The following DGKB variants were observed in gnomAD, a reference collection of about 807,000 sequenced individuals.
DGKB encodes diacylglycerol kinase beta.
Under a neutral mutation model 114.3 loss-of-function variants are expected in DGKB, and 67 were observed. The observed-to-expected ratio is 0.59, with a 90% CI of 0.48 to 0.72. The LOEUF (loss-of-function observed/expected upper bound fraction) is 0.72, where lower values mean the gene tolerates loss of function less well. Ranked by LOEUF, DGKB falls within the 30% of genes least tolerant of loss-of-function variation. The pLI is 0.00. For synonymous variants in DGKB, 398 were observed against 323.1 expected (o/e 1.23, Z -2.49); for missense variants, 907 against 975.2 (o/e 0.93, Z 0.93).
chr7:14,392,995 G>GTTTTGTTTTGTTTTTT lies in DGKB; in HGVS notation c.1836-47605_1836-47604insAAAAAACAAAACAAAA, dbSNP rs1554404749. 2.9e-3 allele frequency among the ~76,000 whole-genome samples: 177 copies of GTTTTGTTTTGTTTTTT among 60,554 alleles called. 6 individuals carry two copies. Among genetic ancestry groups the GTTTTGTTTTGTTTTTT allele is most frequent in the African/African-American group, 8.1e-3 (167 of 20,686 alleles). 39.7% of individuals were successfully genotyped at this position (60,554 alleles called of 152,430 possible). On this transcript the variant is annotated intron_variant, in intron 21 of 25. Coordinates refer to ENST00000402815, the MANE Select transcript of DGKB (RefSeq NM_001350709.2). ...CAAAACAGACCTGTTTTTTGTTTTTGTTTTTTTTTTTTTGAGACGGAGTCT... is the reference window on the plus strand; with the variant it reads ...CAAAACAGACCTGTTTTTTGTTTTTGTTTTGTTTTGTTTTTTTTTTTTTTTTTTTGAGACGGAGTCT...
At chr7:14,463,304 G>A (rs1326934029) in intron 21 of DGKB, among the ~76,000 whole-genome samples, 1 of 152,080 alleles carries the variant, frequency 6.6e-6, no homozygotes, top group Admixed American at 6.5e-5. Flanking sequence ...GTGACGGATC[G>A]ATGGGTGCAG....
At chr7:14,326,986 T>C (rs749700008) in intron 23 of DGKB, among the ~76,000 whole-genome samples, 2 of 152,162 alleles carry the variant, frequency 1.3e-5, no homozygotes, top group African/African-American at 2.4e-5. Context: ...TAAATACTCA[T>C]GTGTACTAAA....
intron 1 of DGKB, among the ~76,000 whole-genome samples, chr7:14,879,087 C>T (rs2128210098): frequency 6.6e-6 from 1 of 151,930 alleles, no homozygotes; most frequent in Admixed American, 6.5e-5. Flanking sequence ...AGGAAAATGT[C>T]ACACAGATCC....
intron 12 of DGKB, among the ~76,000 whole-genome samples, chr7:14,674,444 A>T (rs1015398246): frequency 6.6e-6 from 1 of 152,258 alleles, no homozygotes; most frequent in East Asian, 1.9e-4. Context: ...TTATTAATTT[A>T]TTGGACCTAG....
intron 17 of DGKB, among the ~76,000 whole-genome samples, 186 bp downstream of exon 17, chr7:14,607,248 T>C (rs1462520864): frequency 6.6e-6 from 1 of 151,812 alleles, no homozygotes; most frequent in Non-Finnish European, 1.5e-5. Context: ...AAGAAAAATC[T>C]GCTAGAAATG....
Position 14,736,022 on chromosome 7 carries a change from TTAAAG to T in DGKB, c.322+14_322+18del, listed in dbSNP as rs1412554998. On this transcript the variant is annotated intron_variant, in intron 5 of 25. Transcript: ENST00000402815. ...TTTGAAATTTGTACTATATAAATGT[TTAAAG>T]TAAGTAAACTTACCGCCTGATAGGA... 3 of 1,505,040 alleles carry T rather than the reference TTAAAG, an allele frequency of 2.0e-6. No individual in the cohort carries two copies. In the African/African-American group the frequency reaches 4.2e-5, roughly 21 times the overall value. 93.2% of individuals were successfully genotyped at this position (1,505,040 alleles called of 1,614,324 possible).
chr7:14,695,494 C>CTCTTTTTTTTTT (rs1823671843), intron 8 of DGKB, among the ~76,000 whole-genome samples: 1 of 75,156 alleles, frequency 1.3e-5, no homozygotes, highest in African/African-American at 5.9e-5. Flanking sequence ...CTCTCTCTCT[C>CTCTTTTTTTTTT]TTTTTTTTTT....
chr7:14,347,947 T>C (rs900730954), intron 21 of DGKB, among the ~76,000 whole-genome samples: 2 of 152,012 alleles, frequency 1.3e-5, no homozygotes, highest in Admixed American at 6.6e-5. Context: ...ATAGACATTA[T>C]TTTGCGATAA....
At chr7:14,619,628 T>C (rs1807227358) in intron 15 of DGKB, among the ~76,000 whole-genome samples, 1 of 151,558 alleles carries the variant, frequency 6.6e-6, no homozygotes, top group South Asian at 2.1e-4. Context: ...TACATACATG[T>C]TAAAAAATTT....
chr7:14,196,774 G>C (rs1413716453), intron 23 of DGKB, among the ~76,000 whole-genome samples: 7 of 151,544 alleles, frequency 4.6e-5, no homozygotes, highest in Non-Finnish European at 1.0e-4. Context: ...ATCATGTACT[G>C]ACAAGTTTCC....
chr7:14,499,818 A>G (rs1213787672), intron 20 of DGKB, among the ~76,000 whole-genome samples: 1 of 151,374 alleles, frequency 6.6e-6, no homozygotes, highest in African/African-American at 2.4e-5. Context: ...AGCCTAGTGT[A>G]GTAAGATAAA....
chr7:14,968,564 C>T (rs993935575), intron 1 of DGKB, among the ~76,000 whole-genome samples: 1 of 152,042 alleles, frequency 6.6e-6, no homozygotes, highest in Admixed American at 6.6e-5. Flanking sequence ...AGTAATTTAC[C>T]TAATAACCAA....
At chr7:14,599,301 T>C (rs1315882688) in intron 17 of DGKB, among the ~76,000 whole-genome samples, 1 of 152,206 alleles carries the variant, frequency 6.6e-6, no homozygotes, top group African/African-American at 2.4e-5. Flanking sequence ...GTAAACCTAA[T>C]TATTATGGTC....
intron 21 of DGKB, among the ~76,000 whole-genome samples, chr7:14,381,642 G>T (rs1408614296): frequency 6.6e-6 from 1 of 152,098 alleles, no homozygotes; most frequent in East Asian, 1.9e-4. Flanking sequence ...GAGATGCCCA[G>T]GCTGGAGTGC....
chr7:14,530,588 C>G (rs544664100), intron 20 of DGKB, among the ~76,000 whole-genome samples: 1 of 151,406 alleles, frequency 6.6e-6, no homozygotes, highest in Non-Finnish European at 1.5e-5. Context: ...ATTGAGTTTA[C>G]CATACGATAT....
intron 20 of DGKB, among the ~76,000 whole-genome samples, chr7:14,513,384 T>C (rs1454321218): frequency 6.6e-6 from 1 of 152,040 alleles, no homozygotes; most frequent in East Asian, 1.9e-4. Context: ...CTTTTCTGAG[T>C]GTAAATTTGT....
chr7:14,787,581 C>T (rs924622094), intron 2 of DGKB, among the ~76,000 whole-genome samples: 3 of 152,100 alleles, frequency 2.0e-5, no homozygotes, highest in African/African-American at 7.2e-5. Context: ...AAGAAAACAA[C>T]AGATACATTT....
chr7:14,621,550 T>G, intron 14 of DGKB, 56 bp from the exon 15 acceptor site: 2 of 1,086,822 alleles, frequency 1.8e-6, no homozygotes, highest in Non-Finnish European at 2.7e-6. Flanking sequence ...CATAATAAAA[T>G]GTTAAGTTGT....
intron 3 of DGKB, 143 bp from the exon 4 acceptor site, chr7:14,754,091 G>A (rs1834508106): frequency 5.4e-6 from 3 of 560,700 alleles, no homozygotes; most frequent in Non-Finnish European, 6.3e-6. Flanking sequence ...GCCTCAAAAG[G>A]TGGTTCCGAA....
Sources: gnomAD v4.1 joint callset for allele counts (sites outside exome capture counted in the v4.1 genomes callset) on GRCh38, gnomAD v4.1.1 for gene constraint, MANE v1.5 for transcripts, NCBI Gene and HGNC (gene_info 2026-07-23, HGNC 2026-07-21) for gene names.